The following TECR variants were observed in gnomAD, a reference collection of about 807,000 sequenced individuals.
TECR encodes very-long-chain enoyl-CoA reductase.
TECR carries 19 observed loss-of-function variants against 50.6 expected under a neutral mutation model. That is an observed-to-expected ratio of 0.38 (90% confidence interval 0.26 to 0.55). TECR has a LOEUF of 0.55. TECR is among the 20% of genes least tolerant of loss of function. The probability of loss-of-function intolerance (pLI) is 0.79; values close to 1 mark genes in which losing one functional copy is unlikely to be tolerated. For synonymous variants in TECR, 168 were observed against 163.5 expected (o/e 1.03, Z -0.21); for missense variants, 313 against 408.3 (o/e 0.77, Z 2.01).
chr19:14,550,056 A>G (rs1034204873), intron 1 of TECR, among the ~76,000 whole-genome samples: 1 of 151,804 alleles, frequency 6.6e-6, no homozygotes, highest in Non-Finnish European at 1.5e-5. Flanking sequence ...AACATATTAC[A>G]TATAGCGATT....
upstream of TECR, chr19:14,529,179 C>T (rs916139817): frequency 6.5e-5 from 15 of 230,804 alleles, no homozygotes; most frequent in East Asian, 1.6e-3. Context: ...CCCTCTCCTG[C>T]TGTTCCCGGT....
chr19:14,557,968 G>C (rs1162748417), intron 1 of TECR, among the ~76,000 whole-genome samples: 1 of 150,280 alleles, frequency 6.7e-6, no homozygotes, highest in Non-Finnish European at 1.5e-5. Context: ...TGTTAGCCAG[G>C]ATGGTCTCGA....
intron 1 of TECR, among the ~76,000 whole-genome samples, chr19:14,556,957 G>A (rs2073748916): frequency 6.6e-6 from 1 of 152,102 alleles, no homozygotes; most frequent in African/African-American, 2.4e-5. Flanking sequence ...GACCAGCTGG[G>A]CGAGGCATCA....
At position 14,540,155 on chromosome 19, in the gene TECR, G is replaced by C. The variant is rs1229328049; in HGVS notation, c.15+10444G>C. 3.9e-5 allele frequency among the ~76,000 whole-genome samples: 6 copies of C among 152,020 alleles called. No homozygotes were observed. The East Asian group carries it at 1.2e-3, about 29-fold the overall frequency. On this transcript the variant is annotated intron_variant, in intron 1 of 12. Transcript: ENST00000215567. ...GCTCACTGCAAGCTCCACCTCCCAG[G>C]TTCACGCCATTCTCCTGCCTCAGCC...
Position 14,563,776 on chromosome 19 carries a change from G to T in TECR, c.164-24G>T, listed in dbSNP as rs1355558164. On this transcript the variant is annotated intron_variant, in intron 4 of 12. Transcript: ENST00000215567. This position sits in a 1 kb window ranked among gnomAD's most constrained non-coding sequence, Gnocchi z 5.3. Reference sequence around the variant, plus strand: ...GTGGGAGAAGGCCCGGGTAGCCCCTGAGCCCTGGCCCGCCTCTCTGCAGAG... The same window carrying T: ...GTGGGAGAAGGCCCGGGTAGCCCCTTAGCCCTGGCCCGCCTCTCTGCAGAG... The T allele has an allele frequency of 3.7e-6, 6 of 1,612,636 alleles. No homozygotes were observed. Among genetic ancestry groups the T allele is most frequent in the Non-Finnish European group, 5.1e-6 (6 of 1,179,692 alleles).
intron 1 of TECR, among the ~76,000 whole-genome samples, chr19:14,558,536 C>T (rs1331605949): frequency 3.3e-5 from 5 of 152,164 alleles, no homozygotes; most frequent in Admixed American, 2.6e-4. Flanking sequence ...GAGAATTCCT[C>T]TCAGGCTAGT....
intron 1 of TECR, among the ~76,000 whole-genome samples, chr19:14,534,376 G>A (rs922646568): frequency 8.9e-5 from 13 of 145,852 alleles, no homozygotes; most frequent in Admixed American, 4.8e-4. Flanking sequence ...CGCCCGCCTC[G>A]GCCTCCCAGG....
chr19:14,563,180 C>G lies in TECR; in HGVS notation c.67-26C>G. ...GAGTCTGGGCTCCCCGCAGAGCTGA[C>G]GTCCCTGCGCCTGTGCTTCCCCCAG... On this transcript the variant is annotated intron_variant, in intron 2 of 12. Transcript: ENST00000215567. The surrounding 1 kb of genome is among the most constrained non-coding windows in gnomAD (Gnocchi z 5.3). 6.2e-7 allele frequency: 1 copy of G among 1,613,776 alleles called. No individual in the cohort carries two copies. The highest frequency in any genetic ancestry group is 8.5e-7 in the Non-Finnish European group (1 of 1,179,828).
upstream of TECR, among the ~76,000 whole-genome samples, chr19:14,528,173 C>A (rs182427183): frequency 1.3e-5 from 2 of 151,798 alleles, no homozygotes; most frequent in Admixed American, 6.6e-5. Flanking sequence ...TGTGAGCCAC[C>A]GTGCCTGGCC....
chr19:14,551,940 T>C (rs1599466050), intron 1 of TECR, among the ~76,000 whole-genome samples: 7 of 72,362 alleles, frequency 9.7e-5, no homozygotes, highest in Admixed American at 3.0e-4. Flanking sequence ...TCTCTCTCCC[T>C]CCCTCCCTCT....
At chr19:14,542,358 T>TTTTTTTG (rs2073130253) in intron 1 of TECR, among the ~76,000 whole-genome samples, 6 of 123,544 alleles carry the variant, frequency 4.9e-5, no homozygotes, top group African/African-American at 1.9e-4. Flanking sequence ...TTTTTTTTTT[T>TTTTTTTG]TTTTTTTTTT....
At chr19:14,546,695 C>T (rs935313940) in intron 1 of TECR, among the ~76,000 whole-genome samples, 1 of 152,020 alleles carries the variant, frequency 6.6e-6, no homozygotes, top group Non-Finnish European at 1.5e-5. Context: ...TTTTTCTTTT[C>T]TTTTTTTAAG....
intron 1 of TECR, among the ~76,000 whole-genome samples, chr19:14,536,900 T>C (rs190869553): frequency 1.3e-5 from 2 of 150,404 alleles, no homozygotes; most frequent in East Asian, 3.9e-4. Flanking sequence ...CAGCTAACAT[T>C]TGACAAGTAG....
rs2073964913 is a variant in TECR at position 14,563,436 on chromosome 19, T to TTA, written c.118+180_118+181insAT. ...CACGTGGCACTCCGCAGGAACGCCC[T>TTA]TGCTAGGCTCTGGGAAGGACAAGAT... On this transcript the variant is annotated intron_variant, in intron 3 of 12. Coordinates refer to ENST00000215567, the MANE Select transcript of TECR (RefSeq NM_138501.6). The surrounding 1 kb of genome is among the most constrained non-coding windows in gnomAD (Gnocchi z 5.3). 1.2e-6 allele frequency: 1 copy of TTA among 818,254 alleles called. No individual in the cohort carries two copies. Among genetic ancestry groups the TTA allele is most frequent in the African/African-American group, 1.7e-5 (1 of 58,440 alleles). 50.7% of individuals were successfully genotyped at this position (818,254 alleles called of 1,614,324 possible).
At position 14,563,274 on chromosome 19, in the gene TECR, G is replaced by A; in HGVS notation, c.118+17G>A. 2 of 1,604,628 alleles carry A rather than the reference G, an allele frequency of 1.2e-6. No individual in the cohort carries two copies. The highest frequency in any genetic ancestry group is 1.7e-6 in the Non-Finnish European group (2 of 1,171,460). On this transcript the variant is annotated intron_variant, in intron 3 of 12. Coordinates refer to ENST00000215567, the MANE Select transcript of TECR (RefSeq NM_138501.6). This position sits in a 1 kb window ranked among gnomAD's most constrained non-coding sequence, Gnocchi z 5.3. ...CTAAGACCCGTGAGTTCTAGTCCCG[G>A]CCACACTGCCCCTGCAACCCCTTTG... is the stretch of plus-strand genomic sequence containing the variant.
upstream of TECR, chr19:14,529,477 A>G: frequency 1.5e-6 from 1 of 677,618 alleles, no homozygotes; most frequent in East Asian, 2.7e-5. Context: ...CCCTGGTGCT[A>G]GTCCTAGTCT....
intron 1 of TECR, among the ~76,000 whole-genome samples, chr19:14,542,270 C>G (rs10412304): frequency 6.9e-6 from 1 of 144,976 alleles, no homozygotes; most frequent in Non-Finnish European, 1.5e-5. Context: ...CGACCACATT[C>G]TACTGATTTT....
chr19:14,528,751 C>T (rs1239018292), upstream of TECR, among the ~76,000 whole-genome samples: 2 of 151,782 alleles, frequency 1.3e-5, no homozygotes, highest in Admixed American at 6.6e-5. Context: ...ACCAGCCTGG[C>T]CAACCATGGG....
intron 1 of TECR, among the ~76,000 whole-genome samples, chr19:14,551,963 C>CTCTCTCTT (rs2073534804): frequency 8.2e-6 from 1 of 121,494 alleles, no homozygotes; most frequent in African/African-American, 3.0e-5. Context: ...CTCTCTCTCT[C>CTCTCTCTT]TCTCTCTCTT....
Sources: allele counts gnomAD v4.1 joint callset (sites outside exome capture counted in the v4.1 genomes callset), GRCh38; gene constraint gnomAD v4.1.1; non-coding constraint Gnocchi (gnomAD v3.1); transcripts MANE v1.5; gene names NCBI Gene and HGNC (gene_info 2026-07-23, HGNC 2026-07-21).